The following BAIAP2L1 variants were observed in gnomAD, a reference collection of about 807,000 sequenced individuals.
BAIAP2L1 encodes the protein BAR/IMD domain-containing adapter protein 2-like 1.
Under a neutral mutation model 66.3 loss-of-function variants are expected in BAIAP2L1, and 35 were observed. The ratio of observed to expected loss-of-function variants is 0.53; its 90% CI spans 0.40 to 0.70. BAIAP2L1 has a LOEUF of 0.70. Among genes scored for constraint, BAIAP2L1 ranks in the 30% least tolerant of loss-of-function variants. The pLI is 0.00. For missense variants in BAIAP2L1, 622 were observed against 656.9 expected (o/e 0.95, Z 0.58); for synonymous variants, 269 against 248.7 (o/e 1.08, Z -0.77).
At chr7:98,326,005 G>A (rs184090404) in intron 3 of BAIAP2L1, among the ~76,000 whole-genome samples, 15 of 152,344 alleles carry the variant, frequency 9.8e-5, no homozygotes, top group South Asian at 2.1e-4. Context: ...CACAAGCAGC[G>A]GGGTGCAATG....
intron 3 of BAIAP2L1, among the ~76,000 whole-genome samples, chr7:98,329,866 C>T (rs766642800): frequency 3.9e-5 from 6 of 152,056 alleles, no homozygotes; most frequent in Admixed American, 2.6e-4. Flanking sequence ...AACAGGGCTC[C>T]GGGATAATAT....
chr7:98,315,607 C>T lies in BAIAP2L1; in HGVS notation c.492G>A (p.Val164=), dbSNP rs1250653846. 3.0e-6 allele frequency: 4 copies of T among 1,333,912 alleles called. No homozygotes were observed. Among genetic ancestry groups the T allele is most frequent in the East Asian group, 2.7e-5 (1 of 37,178 alleles). 82.6% of individuals were successfully genotyped at this position (1,333,912 alleles called of 1,614,324 possible). A position where few individuals can be genotyped will look rare whatever the true frequency, so the allele number is the denominator to read the frequency against. Residue 164 remains valine (V), a synonymous_variant, in exon 7 of 14, where the codon GTG becomes GTA. Coordinates refer to ENST00000005260, the MANE Select transcript of BAIAP2L1 (RefSeq NM_018842.5). ...LKYEHKEIEY[V]ETVTSRQSEI... ...CACTCTGACGAGAAGTAACGGTCTC[C>T]ACATACTAAAAAAAAAAAAATAATA...
intron 1 of BAIAP2L1, among the ~76,000 whole-genome samples, chr7:98,391,708 CAAAAAAA>C (rs35659859): frequency 3.0e-5 from 3 of 99,274 alleles, no homozygotes; most frequent in Non-Finnish European, 6.3e-5. Context: ...GACTCCGTCT[CAAAAAAA>C]AAAAAAAAAA....
intron 1 of BAIAP2L1, among the ~76,000 whole-genome samples, chr7:98,399,488 G>C (rs1410792168): frequency 6.6e-6 from 1 of 152,078 alleles, no homozygotes; most frequent in Non-Finnish European, 1.5e-5. Flanking sequence ...CTATCAAAAT[G>C]ACTAAACTTC....
chr7:98,340,115 A>G (rs1259930963), intron 3 of BAIAP2L1, among the ~76,000 whole-genome samples: 1 of 152,180 alleles, frequency 6.6e-6, no homozygotes, highest in Non-Finnish European at 1.5e-5. Flanking sequence ...TTCTGTTCAA[A>G]CACTTAAAAA....
chr7:98,318,945 C>A (rs376907355), intron 5 of BAIAP2L1, among the ~76,000 whole-genome samples: 744 of 114,134 alleles, frequency 6.5e-3, no homozygotes, highest in African/African-American at 8.9e-3. Context: ...GACTCCATCT[C>A]AAAAAAAAAA....
intron 2 of BAIAP2L1, 36 bp from the exon 3 acceptor site, chr7:98,355,164 A>G (rs1802090879): frequency 7.0e-7 from 1 of 1,429,792 alleles, no homozygotes. Context: ...ATCGTCACTT[A>G]GACAAGGAAA....
intron 1 of BAIAP2L1, among the ~76,000 whole-genome samples, chr7:98,375,957 C>T (rs1802618083): frequency 6.6e-6 from 1 of 152,150 alleles, no homozygotes; most frequent in Admixed American, 6.6e-5. Flanking sequence ...TATTTTCACA[C>T]ACACGTATAT....
intron 2 of BAIAP2L1, among the ~76,000 whole-genome samples, chr7:98,357,428 A>G (rs1802162619): frequency 6.6e-6 from 1 of 151,258 alleles, no homozygotes; most frequent in South Asian, 2.1e-4. Flanking sequence ...TTAGCCGGGC[A>G]TGGTGGCACA....
intron 3 of BAIAP2L1, among the ~76,000 whole-genome samples, chr7:98,335,152 CAAAAAAA>C (rs59557441): frequency 3.3e-4 from 18 of 54,702 alleles, no homozygotes; most frequent in East Asian, 7.1e-4. Context: ...GACTCCATCT[CAAAAAAA>C]AAAAAAAAAA....
Position 98,375,758 on chromosome 7 carries a change from A to AG in BAIAP2L1, c.52-13327_52-13326insC, listed in dbSNP as rs1314838338. 1.7e-3 allele frequency among the ~76,000 whole-genome samples: 259 copies of AG among 151,346 alleles called. 2 individuals carry two copies. Among genetic ancestry groups the AG allele is most frequent in the Non-Finnish European group, 2.9e-3 (198 of 67,838 alleles). Reference sequence around the variant, plus strand: ...AGTCCATCTCAAAAAAAAAAAAAAAAAAAAGAAAAGAAAAAAAATTACTAA... The same window carrying AG: ...AGTCCATCTCAAAAAAAAAAAAAAAAGAAAAGAAAAGAAAAAAAATTACTAA... On this transcript the variant is annotated intron_variant, in intron 1 of 13. Coordinates refer to ENST00000005260, the MANE Select transcript of BAIAP2L1 (RefSeq NM_018842.5).
intron 3 of BAIAP2L1, among the ~76,000 whole-genome samples, chr7:98,353,536 C>A (rs1802049142): frequency 7.6e-6 from 1 of 130,826 alleles, no homozygotes; most frequent in Non-Finnish European, 1.6e-5. Context: ...TATAAATATA[C>A]ATATATTTAT....
intron 1 of BAIAP2L1, among the ~76,000 whole-genome samples, chr7:98,363,956 T>C (rs137924403): frequency 6.6e-6 from 1 of 152,220 alleles, no homozygotes; most frequent in Admixed American, 6.5e-5. Context: ...CCTGGTCTTA[T>C]GCCCGAGAGC....
rs11413562 is a variant in BAIAP2L1, at chr7:98,384,693, C to CTTTT, written c.51+16105_51+16108dup. ...GACTCTGTGAGACAGATCATTCTAC[C>CTTTT]TTTTTTTTTTTTTTTTTTTTGTGAG... is the stretch of plus-strand genomic sequence containing the variant. On this transcript the variant is annotated intron_variant, in intron 1 of 13. Coordinates refer to ENST00000005260, the MANE Select transcript of BAIAP2L1 (RefSeq NM_018842.5). Among the ~76,000 whole-genome samples, 136 of 118,786 alleles carry CTTTT rather than the reference C, an allele frequency of 1.1e-3. 2 individuals are homozygous for CTTTT. Among genetic ancestry groups the CTTTT allele is most frequent in the Middle Eastern group, 5.4e-3 (1 of 184 alleles). 77.9% of individuals were successfully genotyped at this position (118,786 alleles called of 152,430 possible).
chr7:98,382,155 C>G (rs1241949944), intron 1 of BAIAP2L1, among the ~76,000 whole-genome samples: 2 of 151,984 alleles, frequency 1.3e-5, no homozygotes, highest in African/African-American at 4.8e-5. Flanking sequence ...ATCTCCTGAC[C>G]TCGTGATCCG....
intron 2 of BAIAP2L1, among the ~76,000 whole-genome samples, chr7:98,360,548 A>T (rs556568050): frequency 3.6e-4 from 55 of 152,260 alleles, no homozygotes; most frequent in Middle Eastern, 3.4e-3. Flanking sequence ...CTTTGGGGAG[A>T]AGCCTTGTTA....
At chr7:98,394,404 T>C (rs1336209806) in intron 1 of BAIAP2L1, among the ~76,000 whole-genome samples, 1 of 152,180 alleles carries the variant, frequency 6.6e-6, no homozygotes, top group African/African-American at 2.4e-5. Context: ...TCCTAGGTCT[T>C]GGTTTGTCTT....
intron 1 of BAIAP2L1, among the ~76,000 whole-genome samples, chr7:98,370,909 G>A (rs951601612): frequency 1.3e-5 from 2 of 152,138 alleles, no homozygotes; most frequent in African/African-American, 4.8e-5. Flanking sequence ...AAAAAGCAAT[G>A]CTGCCTTTGT....
At chr7:98,371,896 A>G (rs1370949365) in intron 1 of BAIAP2L1, among the ~76,000 whole-genome samples, 3 of 150,396 alleles carry the variant, frequency 2.0e-5, no homozygotes, top group Non-Finnish European at 4.4e-5. Flanking sequence ...CCGGGTTCAC[A>G]CCGTTCTCCT....
Sources: allele counts gnomAD v4.1 joint callset (sites outside exome capture counted in the v4.1 genomes callset), GRCh38; gene constraint gnomAD v4.1.1; transcripts MANE v1.5; gene names NCBI Gene and HGNC (gene_info 2026-07-23, HGNC 2026-07-21).